ZDHHC17: variants seen among roughly 807,000 people sequenced by gnomAD.
The protein encoded by ZDHHC17 is palmitoyltransferase ZDHHC17.
ZDHHC17 carries 40 observed loss-of-function variants against 90.3 expected under a neutral mutation model. The ratio of observed to expected loss-of-function variants is 0.44; its 90% CI spans 0.34 to 0.58. ZDHHC17 has a LOEUF of 0.58. Among genes scored for constraint, ZDHHC17 ranks in the 20% least tolerant of loss-of-function variants. The probability of loss-of-function intolerance (pLI) is 0.01; values close to 1 mark genes in which losing one functional copy is unlikely to be tolerated. For missense variants in ZDHHC17, 614 were observed against 780.8 expected (o/e 0.79, Z 2.55); for synonymous variants, 235 against 252.4 (o/e 0.93, Z 0.65).
rs1270125137 is a variant in ZDHHC17, at chr12:76,827,041, T to G, written c.1031T>G (p.Phe344Cys). The G allele has an allele frequency of 6.4e-7, 1 of 1,557,076 alleles. No individual in the cohort carries two copies. Among genetic ancestry groups the G allele is most frequent in the Non-Finnish European group, 8.6e-7 (1 of 1,161,714 alleles). The change falls in exon 9 of 17, where the codon TTT becomes TGT. Residue 344 changes from phenylalanine to cysteine, a missense_variant. This residue lies in a region of ZDHHC17 where 117 missense variants were observed against 183.6 expected (regional missense o/e 0.64). Coordinates refer to ENST00000426126, the MANE Select transcript of ZDHHC17 (RefSeq NM_015336.4). ...MYGGVWATVQFLSKSFFDHSM... is the reference protein window; with the variant it reads ...MYGGVWATVQCLSKSFFDHSM... Reference sequence around the variant, plus strand: ...GGTGGTGTTTGGGCTACAGTACAGTTTCTTTCAAAGTAAGTGTGTTGTTTT... The same window carrying G: ...GGTGGTGTTTGGGCTACAGTACAGTGTCTTTCAAAGTAAGTGTGTTGTTTT...
At chr12:76,806,001 ATAGT>A (rs144003323) in intron 3 of ZDHHC17, among the ~76,000 whole-genome samples, 1,814 of 152,362 alleles carry the variant, frequency 0.012, 33 homozygotes, top group African/African-American at 0.041. Context: ...TTAATAAGAA[ATAGT>A]TAGATAATCA....
At chr12:76,765,614 A>T (rs1225816196) in intron 1 of ZDHHC17, among the ~76,000 whole-genome samples, 1 of 152,238 alleles carries the variant, frequency 6.6e-6, no homozygotes, top group East Asian at 1.9e-4. Context: ...TAGTTTTCAG[A>T]TGTTGCCTTG....
chr12:76,799,394 A>G (rs987232889), intron 2 of ZDHHC17, among the ~76,000 whole-genome samples: 1 of 152,234 alleles, frequency 6.6e-6, no homozygotes, highest in Non-Finnish European at 1.5e-5. Flanking sequence ...CTTAATATCC[A>G]TTCTGTAGAG....
Position 76,822,441 on chromosome 12 carries a change from A to C in ZDHHC17, c.807A>C (p.Lys269Asn). 1 of 1,613,934 alleles carries C rather than the reference A, an allele frequency of 6.2e-7. No individual in the cohort carries two copies. The highest frequency in any genetic ancestry group is 8.5e-7 in the Non-Finnish European group (1 of 1,179,874). ...CGCTTGATTTGGCAAAACAGAGAAA[A>C]AATGTGTGGATGATCAACCACTTAC... is the stretch of plus-strand genomic sequence containing the variant. ...ESALDLAKQR[K>N]NVWMINHLQE... The change falls in exon 8 of 17, where the codon AAA becomes AAC. Residue 269 changes from lysine to asparagine, a missense_variant. Lys to Asn is a moderately conservative substitution (Grantham distance 94, BLOSUM62 0). Coordinates refer to ENST00000426126, the MANE Select transcript of ZDHHC17 (RefSeq NM_015336.4).
At position 76,786,370 on chromosome 12, in the gene ZDHHC17, C is replaced by A. The variant is rs186468403; in HGVS notation, c.94-11064C>A. Among the ~76,000 whole-genome samples the A allele has an allele frequency of 1.5e-3, 235 of 152,270 alleles. 1 individual carries two copies. Among genetic ancestry groups the A allele is most frequent in the Middle Eastern group, 3.4e-3 (1 of 294 alleles). On this transcript the variant is annotated intron_variant, in intron 1 of 16. Coordinates refer to ENST00000426126, the MANE Select transcript of ZDHHC17 (RefSeq NM_015336.4). ...GATCTGGGTTGAAGTGAATCTCCTG[C>A]CTCAGCCCCCTGAGTAGCTGGGATG...
intron 1 of ZDHHC17, among the ~76,000 whole-genome samples, chr12:76,786,548 G>A (rs1051984387): frequency 1.3e-5 from 2 of 152,126 alleles, no homozygotes; most frequent in Admixed American, 1.3e-4. Flanking sequence ...GAGTCACTGT[G>A]CCTGGCCTTT....
At chr12:76,822,975 A>G (rs1189458733) in intron 8 of ZDHHC17, among the ~76,000 whole-genome samples, 2 of 152,158 alleles carry the variant, frequency 1.3e-5, no homozygotes, top group Non-Finnish European at 2.9e-5. Flanking sequence ...TTAAAATATT[A>G]TTATACTCAG....
intron 1 of ZDHHC17, chr12:76,764,873 C>G (rs1267821444): frequency 1.1e-5 from 5 of 455,858 alleles, no homozygotes; most frequent in Non-Finnish European, 1.8e-5. Flanking sequence ...GAGCATTTGT[C>G]CTTAAGCGAT....
At chr12:76,836,895 G>A (rs1953371355) in intron 10 of ZDHHC17, among the ~76,000 whole-genome samples, 1 of 152,144 alleles carries the variant, frequency 6.6e-6, no homozygotes, top group South Asian at 2.1e-4. Flanking sequence ...GTATCAATAT[G>A]TAGTGACTCA....
chr12:76,791,666 C>G (rs1468675187), intron 1 of ZDHHC17, among the ~76,000 whole-genome samples: 1 of 152,132 alleles, frequency 6.6e-6, no homozygotes, highest in Non-Finnish European at 1.5e-5. Context: ...GTATACTATA[C>G]TATACATCTG....
chr12:76,794,012 A>G (rs900788957), intron 1 of ZDHHC17, among the ~76,000 whole-genome samples: 2 of 151,994 alleles, frequency 1.3e-5, no homozygotes, highest in African/African-American at 4.8e-5. Flanking sequence ...CAGCCTCCCG[A>G]GTAGCTGGGA....
At position 76,828,337 on chromosome 12, in the gene ZDHHC17, C is replaced by T. The variant is rs150281689; in HGVS notation, c.1041-53C>T. 608 of 1,397,024 alleles carry T rather than the reference C, an allele frequency of 4.4e-4. 4 individuals are homozygous for T. The African/African-American group carries it at 7.6e-3, about 17-fold the overall frequency. 86.5% of individuals were successfully genotyped at this position (1,397,024 alleles called of 1,614,324 possible). On this transcript the variant is annotated intron_variant, in intron 9 of 16. Transcript: ENST00000426126. ...TGTCATTTTCATTTAAATAAATACT[C>T]ATTTTTACAATGAAATATAGAGCTC...
intron 13 of ZDHHC17, 72 bp from the exon 14 acceptor site, chr12:76,846,524 A>G: frequency 2.8e-6 from 3 of 1,088,666 alleles, no homozygotes; most frequent in Non-Finnish European, 4.1e-6. Flanking sequence ...CTTTCATGGC[A>G]TACCCCTCAA....
intron 1 of ZDHHC17, among the ~76,000 whole-genome samples, chr12:76,783,418 C>A (rs1356150897): frequency 6.6e-6 from 1 of 152,174 alleles, no homozygotes; most frequent in Non-Finnish European, 1.5e-5. Context: ...GAAGGAGGAA[C>A]TATCAAACGC....
chr12:76,796,322 T>G (rs1206704307), intron 1 of ZDHHC17, among the ~76,000 whole-genome samples: 1 of 152,140 alleles, frequency 6.6e-6, no homozygotes, highest in Non-Finnish European at 1.5e-5. Context: ...TCAACAGATG[T>G]TATTGGAACT....
At chr12:76,816,149 C>CTGT in intron 7 of ZDHHC17, 130 bp downstream of exon 7, 1 of 598,594 alleles carries the variant, frequency 1.7e-6, no homozygotes, top group Non-Finnish European at 2.6e-6. Context: ...AGTTAAACCA[C>CTGT]ATTATGCATA....
chr12:76,835,994 A>C (rs560713105), intron 10 of ZDHHC17, among the ~76,000 whole-genome samples: 1 of 151,846 alleles, frequency 6.6e-6, no homozygotes, highest in Non-Finnish European at 1.5e-5. Flanking sequence ...ATATATTAAT[A>C]GATTTTTCTA....
At chr12:76,846,741 C>A in intron 14 of ZDHHC17, 62 bp downstream of exon 14, 1 of 1,331,874 alleles carries the variant, frequency 7.5e-7, no homozygotes. Context: ...ATTATACTTA[C>A]CACACTAACA....
intron 5 of ZDHHC17, among the ~76,000 whole-genome samples, chr12:76,810,900 A>T (rs1953011433): frequency 6.6e-6 from 1 of 152,070 alleles, no homozygotes; most frequent in Non-Finnish European, 1.5e-5. Context: ...TTGTGACTTG[A>T]TAGGAATGGC....
Sources: allele counts gnomAD v4.1 joint callset (sites outside exome capture counted in the v4.1 genomes callset), GRCh38; gene constraint gnomAD v4.1.1; regional missense constraint gnomAD v4.1.1; transcripts MANE v1.5; gene names NCBI Gene and HGNC (gene_info 2026-07-23, HGNC 2026-07-21).